The following STK36 variants were observed in gnomAD, a reference collection of about 807,000 sequenced individuals.
The protein encoded by STK36 is serine/threonine kinase 36, also known as serine/threonine-protein kinase 36.
STK36 carries 116 observed loss-of-function variants against 142.2 expected under a neutral mutation model. The observed-to-expected ratio is 0.82, with a 90% confidence interval of 0.70 to 0.95. The LOEUF is 0.95. Ranked by LOEUF, STK36 falls within the 40% of genes least tolerant of loss-of-function variation. The probability of loss-of-function intolerance (pLI) is 0.00; values close to 1 mark genes in which losing one functional copy is unlikely to be tolerated. For missense variants in STK36, 1,422 were observed against 1,617.2 expected (o/e 0.88, Z 2.07); for synonymous variants, 619 against 641.7 (o/e 0.96, Z 0.53).
chr2:218,684,469 G>A (rs1188599251), intron 10 of STK36, among the ~76,000 whole-genome samples: 1 of 117,806 alleles, frequency 8.5e-6, no homozygotes, highest in Non-Finnish European at 1.6e-5. Flanking sequence ...CACCCAGGCT[G>A]GAGTGCAGTG....
intron 22 of STK36, 195 bp downstream of exon 22, chr2:218,696,796 G>A: frequency 1.1e-6 from 1 of 891,120 alleles, no homozygotes; most frequent in Non-Finnish European, 1.9e-6. Context: ...GCGTCCCCTG[G>A]GATCCAGTGG....
rs2106361714 is a variant in STK36, at chr2:218,693,336, C to T, written c.2140C>T (p.Leu714Phe). 1.2e-6 allele frequency: 2 copies of T among 1,614,024 alleles called. No individual in the cohort carries two copies. Among genetic ancestry groups the T allele is most frequent in the East Asian group, 4.5e-5 (2 of 44,886 alleles). ...GCAGCATCCCATCCTGTGCCTGCACCTTCTCAAGGTAATCCTCTTAACTCC... is the reference window on the plus strand; with the variant it reads ...GCAGCATCCCATCCTGTGCCTGCACTTTCTCAAGGTAATCCTCTTAACTCC... ...GLQHPILCLH[L>F]LKVLYSCCLV... The change falls in exon 17 of 27, where the codon CTT becomes TTT. Residue 714 changes from leucine to phenylalanine, a missense_variant. By Grantham distance (22) the Leu-to-Phe change is conservative (BLOSUM62 0). Coordinates refer to ENST00000295709, the MANE Select transcript of STK36 (RefSeq NM_015690.5).
At chr2:218,680,732 T>C (rs1285642965) in intron 10 of STK36, 30 bp downstream of exon 10, 1 of 1,582,664 alleles carries the variant, frequency 6.3e-7, no homozygotes, top group Non-Finnish European at 8.6e-7. Flanking sequence ...ACTGACTTTG[T>C]CTCTTTCATG....
intron 11 of STK36, among the ~76,000 whole-genome samples, chr2:218,686,106 T>A (rs1940765829): frequency 6.6e-6 from 1 of 151,996 alleles, no homozygotes; most frequent in Admixed American, 6.6e-5. Flanking sequence ...GCCCGGTTAA[T>A]TTTTTTGTAT....
chr2:218,680,527 A>T, intron 9 of STK36, 76 bp from the exon 10 acceptor site: 1 of 1,218,864 alleles, frequency 8.2e-7, no homozygotes, highest in Non-Finnish European at 1.2e-6. Flanking sequence ...TCCTGGGTCT[A>T]CAGAGAGGGA....
Position 218,673,769 on chromosome 2 carries a change from T to C in STK36, c.225+4T>C, listed in dbSNP as rs758418181. ...CAGCTTTGAAACTGATAAAGAGGTGTGCTTTGACAGTTTTGGGCCCTGTCT... is the reference window on the plus strand; with the variant it reads ...CAGCTTTGAAACTGATAAAGAGGTGCGCTTTGACAGTTTTGGGCCCTGTCT... On this transcript the variant is annotated splice_donor_region_variant and intron_variant, in intron 3 of 26. Transcript: ENST00000295709. The C allele has an allele frequency of 4.3e-6, 7 of 1,613,704 alleles. No homozygotes were observed. The highest frequency in any genetic ancestry group is 5.1e-6 in the Non-Finnish European group (6 of 1,179,736).
At chr2:218,682,156 A>G (rs1332109476) in intron 10 of STK36, among the ~76,000 whole-genome samples, 1 of 152,074 alleles carries the variant, frequency 6.6e-6, no homozygotes, top group Non-Finnish European at 1.5e-5. Context: ...CAAACTCCTG[A>G]CCTTAGGTGA....
rs771016214 is a variant in STK36, at chr2:218,694,371, T to C, written c.2400+44T>C. The C allele has an allele frequency of 3.2e-6, 5 of 1,581,330 alleles. No homozygotes were observed. In the Middle Eastern group the frequency reaches 6.7e-4, roughly 210 times the overall value. ...CCCTCCTCCCCTTTTCACCCTAGCATCTACCCCTTGTGGAAGTGGGGGAGT... is the reference window on the plus strand; with the variant it reads ...CCCTCCTCCCCTTTTCACCCTAGCACCTACCCCTTGTGGAAGTGGGGGAGT... On this transcript the variant is annotated intron_variant, in intron 20 of 26. Coordinates refer to ENST00000295709, the MANE Select transcript of STK36 (RefSeq NM_015690.5). The surrounding 1 kb of genome is among the most constrained non-coding windows in gnomAD (Gnocchi z 4.4).
In STK36 at chr2:218,702,116, A is replaced by G. The variant is rs921175590; in HGVS notation, c.*107A>G. On this transcript the variant is annotated 3_prime_UTR_variant, in exon 27 of 27. Coordinates refer to ENST00000295709, the MANE Select transcript of STK36 (RefSeq NM_015690.5). ...GAGCTAAAGAGACTAGAAAAGAGATAAGCTGCCAACTCAACTGAGAACAAG... is the reference window on the plus strand; with the variant it reads ...GAGCTAAAGAGACTAGAAAAGAGATGAGCTGCCAACTCAACTGAGAACAAG... The G allele has an allele frequency of 1.4e-6, 2 of 1,385,056 alleles. No individual in the cohort carries two copies. The highest frequency in any genetic ancestry group is 1.9e-6 in the Non-Finnish European group (2 of 1,030,064). The allele number at this position is 1,385,056 out of a possible 1,614,324, so 85.8% of individuals were successfully genotyped here.
intron 2 of STK36, 131 bp downstream of exon 2, chr2:218,673,044 G>C: frequency 1.3e-6 from 1 of 749,910 alleles, no homozygotes; most frequent in Non-Finnish European, 2.2e-6. Context: ...ACTTCTTATG[G>C]AGTATAAGCT....
Position 218,693,830 on chromosome 2 carries a change from G to A in STK36, c.2247+9G>A, listed in dbSNP as rs1941110637. On this transcript the variant is annotated intron_variant, in intron 18 of 26. Transcript: ENST00000295709. ...TGTTGATTCAGGGCAAGGTAAGCCAGCTTCCCCTGGCAGCCCCACTGTCTC... is the reference window on the plus strand; with the variant it reads ...TGTTGATTCAGGGCAAGGTAAGCCAACTTCCCCTGGCAGCCCCACTGTCTC... 6.2e-7 allele frequency: 1 copy of A among 1,614,162 alleles called. No individual in the cohort carries two copies. The highest frequency in any genetic ancestry group is 1.3e-5 in the African/African-American group (1 of 75,060).
intron 16 of STK36, 79 bp from the exon 17 acceptor site, chr2:218,693,161 C>G (rs1047623733): frequency 1.6e-6 from 2 of 1,221,974 alleles, no homozygotes; most frequent in East Asian, 4.8e-5. Flanking sequence ...GACTGAGAGT[C>G]CTGATCATTT....
At position 218,697,593 on chromosome 2, in the gene STK36, G is replaced by C; in HGVS notation, c.2892G>C (p.Leu964=). The C allele has an allele frequency of 6.2e-7, 1 of 1,614,204 alleles. No homozygotes were observed. The highest frequency in any genetic ancestry group is 8.5e-7 in the Non-Finnish European group (1 of 1,180,040). Residue 964 remains leucine (L), a synonymous_variant, in exon 24 of 27, where the codon CTG becomes CTC. Coordinates refer to ENST00000295709, the MANE Select transcript of STK36 (RefSeq NM_015690.5). ...AGCATCTGCTTTGCCCCAGCTTCCT[G>C]AATCAACTGCGCCAGGCGTGAGTTT... ...ILKHLLCPSF[L]NQLRQAPHGS... is the part of the protein sequence containing the mutation.
rs947667015 is a variant in STK36 at position 218,698,097 on chromosome 2, C to T, written c.3057+96C>T. On this transcript the variant is annotated intron_variant, in intron 25 of 26. Coordinates refer to ENST00000295709, the MANE Select transcript of STK36 (RefSeq NM_015690.5). ...GCAGCTCCAGGGCTCTTCTAGGCCC[C>T]TGTAAGCATGGAACAGCTGGCTTGA... 18 of 1,522,216 alleles carry T rather than the reference C, an allele frequency of 1.2e-5. No individual in the cohort carries two copies. In the Middle Eastern group the frequency reaches 1.7e-3, roughly 143 times the overall value. 94.3% of individuals were successfully genotyped at this position (1,522,216 alleles called of 1,614,324 possible). A position where few individuals can be genotyped will look rare whatever the true frequency, so the allele number is the denominator to read the frequency against.
chr2:218,683,886 C>T (rs565937257), intron 10 of STK36, among the ~76,000 whole-genome samples: 1 of 150,892 alleles, frequency 6.6e-6, no homozygotes, highest in African/African-American at 2.4e-5. Context: ...TTTCCAATTT[C>T]ATCCACGTCC....
At chr2:218,690,162 G>A (rs1940940794) in intron 13 of STK36, among the ~76,000 whole-genome samples, 1 of 152,094 alleles carries the variant, frequency 6.6e-6, no homozygotes, top group Admixed American at 6.6e-5. Context: ...CTAAGAGTCA[G>A]CAGTCACCAT....
In STK36 at chr2:218,679,959, G is replaced by A; in HGVS notation, c.1015G>A (p.Ala339Thr). Residue 339 changes from alanine to threonine, a missense_variant, in exon 9 of 27, where the codon GCC becomes ACC. Around this residue, in one of 2 missense-constraint regions of STK36, gnomAD observed 460 missense variants for 449.6 expected, o/e 1.02. Coordinates refer to ENST00000295709, the MANE Select transcript of STK36 (RefSeq NM_015690.5). The part of the protein sequence containing the change: ...DKTSKVAPGT[A>T]PLPRLGATPQ... ...GACCAGCAAGGTGGCTCCTGGCACA[G>A]CCCCTCTGCCCAGACTCGGGGCCAC... 6.2e-7 allele frequency: 1 copy of A among 1,614,216 alleles called. No individual in the cohort carries two copies. Among genetic ancestry groups the A allele is most frequent in the Non-Finnish European group, 8.5e-7 (1 of 1,180,032 alleles).
chr2:218,683,852 G>C (rs940373871), intron 10 of STK36, among the ~76,000 whole-genome samples: 2 of 151,398 alleles, frequency 1.3e-5, no homozygotes, highest in South Asian at 4.2e-4. Flanking sequence ...TTTTGTTCTT[G>C]TGATAGTTTA....
intron 12 of STK36, among the ~76,000 whole-genome samples, chr2:218,689,151 T>G (rs1940897300): frequency 6.6e-6 from 1 of 152,124 alleles, no homozygotes; most frequent in Admixed American, 6.5e-5. Flanking sequence ...GAGGCATCCT[T>G]TCCTCAGCCT....
Sources: gnomAD v4.1 joint callset for allele counts (sites outside exome capture counted in the v4.1 genomes callset) on GRCh38, gnomAD v4.1.1 for gene constraint, gnomAD v4.1.1 regional missense constraint, Gnocchi (gnomAD v3.1) non-coding constraint, MANE v1.5 for transcripts, NCBI Gene and HGNC (gene_info 2026-07-23, HGNC 2026-07-21) for gene names.